The following MAN1A1 variants were observed in gnomAD, a reference collection of about 807,000 sequenced individuals.
MAN1A1 encodes the protein mannosidase alpha class 1A member 1.
Under a neutral mutation model 70.8 loss-of-function variants are expected in MAN1A1, and 29 were observed. The observed-to-expected ratio is 0.41, with a 90% confidence interval of 0.31 to 0.56. MAN1A1 has a LOEUF of 0.56. Among genes scored for constraint, MAN1A1 ranks in the 20% least tolerant of loss-of-function variants. The pLI, the probability that MAN1A1 is intolerant of heterozygous loss-of-function variation, is 0.29. For missense variants in MAN1A1, 747 were observed against 841.3 expected, an observed-to-expected ratio of 0.89 and a Z score of 1.39; for synonymous variants, 349 against 330.1, an observed-to-expected ratio of 1.06 and a Z score of -0.62.
rs192240039 is a variant in MAN1A1 at position 119,214,162 on chromosome 6, C to T, written c.993-9280G>A. 8.3e-4 allele frequency among the ~76,000 whole-genome samples: 127 copies of T among 152,206 alleles called. 3 individuals carry two copies. The East Asian group carries it at 0.023, about 27-fold the overall frequency. ...TGTATTTTTAGTAGAGACGGGGTTTCAACATCTTGGCCAGGCTGGTCTCGA... is the reference window on the plus strand; with the variant it reads ...TGTATTTTTAGTAGAGACGGGGTTTTAACATCTTGGCCAGGCTGGTCTCGA... On this transcript the variant is annotated intron_variant, in intron 6 of 12. Coordinates refer to ENST00000368468, the MANE Select transcript of MAN1A1 (RefSeq NM_005907.4).
At chr6:119,327,399 T>TG (rs1773182763) in intron 2 of MAN1A1, 2 of 148,102 alleles carry the variant, frequency 1.4e-5, no homozygotes, top group African/African-American at 5.0e-5. Context: ...TTGTTTTTTT[T>TG]TTTTTTTTGA....
intron 8 of MAN1A1, among the ~76,000 whole-genome samples, chr6:119,200,071 A>G (rs1305092607): frequency 6.6e-6 from 1 of 152,246 alleles, no homozygotes; most frequent in East Asian, 1.9e-4. Flanking sequence ...AAAGTCTTTC[A>G]AAGTACCACT....
At chr6:119,317,120 C>CT (rs1405052839) in intron 2 of MAN1A1, among the ~76,000 whole-genome samples, 2 of 151,928 alleles carry the variant, frequency 1.3e-5, no homozygotes, top group African/African-American at 4.8e-5. Flanking sequence ...CACAGCAAAA[C>CT]TGAGTGGAAA....
chr6:119,312,457 A>G (rs918844626), intron 2 of MAN1A1, among the ~76,000 whole-genome samples: 1 of 152,184 alleles, frequency 6.6e-6, no homozygotes, highest in African/African-American at 2.4e-5. Context: ...ATTAATTCAC[A>G]ATTTCTCCAA....
intron 4 of MAN1A1, among the ~76,000 whole-genome samples, chr6:119,299,977 A>G (rs1395751859): frequency 1.3e-5 from 2 of 152,194 alleles, no homozygotes; most frequent in African/African-American, 4.8e-5. Flanking sequence ...ATTATATTTG[A>G]GGAGGTTTGG....
At position 119,210,427 on chromosome 6, in the gene MAN1A1, TA is replaced by T. The variant is rs148100742; in HGVS notation, c.993-5546del. 6.9e-3 allele frequency among the ~76,000 whole-genome samples: 1,049 copies of T among 151,664 alleles called. 11 individuals are homozygous for T. The highest frequency in any genetic ancestry group is 0.024 in the African/African-American group (975 of 41,422). Reference sequence around the variant, plus strand: ...TAGATGGGCATGCATATACACCACTTAAAAAAAAATCAGTCCTACATGCTGC... The same window carrying T: ...TAGATGGGCATGCATATACACCACTTAAAAAAAATCAGTCCTACATGCTGC... On this transcript the variant is annotated intron_variant, in intron 6 of 12. Coordinates refer to ENST00000368468, the MANE Select transcript of MAN1A1 (RefSeq NM_005907.4).
chr6:119,316,638 A>G (rs1205302184), intron 2 of MAN1A1, among the ~76,000 whole-genome samples: 1 of 152,174 alleles, frequency 6.6e-6, no homozygotes, highest in Non-Finnish European at 1.5e-5. Context: ...ACTCATACAT[A>G]TATCATTCCA....
At chr6:119,212,823 G>A (rs575195641) in intron 6 of MAN1A1, among the ~76,000 whole-genome samples, 3 of 152,162 alleles carry the variant, frequency 2.0e-5, no homozygotes, top group South Asian at 4.2e-4. Context: ...GGTCTTTTCC[G>A]GATATTAAAC....
At chr6:119,255,997 A>C (rs1775447940) in intron 5 of MAN1A1, among the ~76,000 whole-genome samples, 1 of 152,192 alleles carries the variant, frequency 6.6e-6, no homozygotes, top group Admixed American at 6.5e-5. Context: ...AATACAATTC[A>C]ATTTTTAGCC....
intron 5 of MAN1A1, among the ~76,000 whole-genome samples, chr6:119,280,414 A>G (rs1776198605): frequency 6.6e-6 from 1 of 152,232 alleles, no homozygotes; most frequent in African/African-American, 2.4e-5. Context: ...TGTGAAATTA[A>G]TATTTGAATT....
upstream of MAN1A1, chr6:119,349,834 G>T: frequency 2.4e-6 from 2 of 835,748 alleles, no homozygotes; most frequent in East Asian, 1.2e-4. Context: ...GCGCGGCCGG[G>T]CCAATCACGC....
chr6:119,233,510 T>C (rs976269440), intron 6 of MAN1A1, among the ~76,000 whole-genome samples: 2 of 152,228 alleles, frequency 1.3e-5, no homozygotes, highest in South Asian at 2.1e-4. Context: ...TGTCAGATGA[T>C]AAGAAACTGG....
At chr6:119,328,074 A>G (rs1284224851) in intron 2 of MAN1A1, among the ~76,000 whole-genome samples, 1 of 152,140 alleles carries the variant, frequency 6.6e-6, no homozygotes, top group Non-Finnish European at 1.5e-5. Context: ...GAAACCAAAC[A>G]AGGCCACTCT....
intron 8 of MAN1A1, among the ~76,000 whole-genome samples, chr6:119,195,455 C>T (rs949179905): frequency 6.6e-6 from 1 of 152,190 alleles, no homozygotes; most frequent in Non-Finnish European, 1.5e-5. Flanking sequence ...ACTCATACTT[C>T]GTATCTGGGA....
rs547644008 is a variant in MAN1A1, at chr6:119,289,438, A to T, written c.897+1245T>A. On this transcript the variant is annotated intron_variant, in intron 5 of 12. Coordinates refer to ENST00000368468, the MANE Select transcript of MAN1A1 (RefSeq NM_005907.4). ...TAATTTTAAACATAACTTTTTAAAA[A>T]TATAGGGTTTTAGGGTTTTTTGGTT... Among the ~76,000 whole-genome samples the T allele has an allele frequency of 6.2e-5, 9 of 145,192 alleles. No individual in the cohort carries two copies. In the South Asian group the frequency reaches 1.9e-3, roughly 31 times the overall value.
At position 119,315,996 on chromosome 6, in the gene MAN1A1, G is replaced by T. The variant is rs947589; in HGVS notation, c.604-9004C>A. Among the ~76,000 whole-genome samples the T allele has an allele frequency of 5.8e-3, 890 of 152,144 alleles. 31 individuals carry two copies. The East Asian group carries it at 0.089, about 15-fold the overall frequency. ...AAACTTTGAATTCATTAGATTAGCT[G>T]TGCTAAGACCTCTGTGGTCAATGTG... On this transcript the variant is annotated intron_variant, in intron 2 of 12. Transcript: ENST00000368468.
chr6:119,337,256 A>C (rs769045133), intron 2 of MAN1A1, among the ~76,000 whole-genome samples: 25 of 152,030 alleles, frequency 1.6e-4, no homozygotes, highest in Non-Finnish European at 2.9e-4. Context: ...ATGACTTCTG[A>C]CTGTTGTAAA....
chr6:119,183,012 A>C (rs895573797), intron 11 of MAN1A1, among the ~76,000 whole-genome samples: 1 of 152,202 alleles, frequency 6.6e-6, no homozygotes, highest in African/African-American at 2.4e-5. Context: ...AAGAATGTAG[A>C]GCCCAGAAAA....
At chr6:119,326,770 G>A (rs1008440537) in intron 2 of MAN1A1, among the ~76,000 whole-genome samples, 2 of 152,146 alleles carry the variant, frequency 1.3e-5, no homozygotes, top group African/African-American at 4.8e-5. Context: ...AACTGCCTCC[G>A]TGATTCAATT....
Sources: gnomAD v4.1 joint callset for allele counts (sites outside exome capture counted in the v4.1 genomes callset) on GRCh38, gnomAD v4.1.1 for gene constraint, MANE v1.5 for transcripts, NCBI Gene and HGNC (gene_info 2026-07-23, HGNC 2026-07-21) for gene names.